Variants in STON1 observed in about 807,000 individuals in gnomAD.
STON1 encodes stonin 1, also known as stonin-1.
A neutral mutation model predicts 60.9 loss-of-function variants in STON1; 79 were observed. The observed-to-expected ratio is 1.30, with a 90% CI of 1.08 to 1.56. The LOEUF (loss-of-function observed/expected upper bound fraction) is 1.56, where lower values mean the gene tolerates loss of function less well. STON1 is among the 40% of genes most tolerant of loss of function. STON1 has a pLI of 0.00. For missense variants in STON1, 1,166 were observed against 858.9 expected (o/e 1.36, Z -4.47); for synonymous variants, 363 against 306.9 (o/e 1.18, Z -1.91).
At chr2:48,556,162 C>T (rs1479670960) in intron 1 of STON1, among the ~76,000 whole-genome samples, 1 of 13,506 alleles carries the variant, frequency 7.4e-5, no homozygotes, top group African/African-American at 2.7e-4. Flanking sequence ...GCTGGCCGGG[C>T]GGGGCGCTGA....
chr2:48,537,363 T>C (rs921412187), intron 1 of STON1, among the ~76,000 whole-genome samples: 1 of 152,248 alleles, frequency 6.6e-6, no homozygotes, highest in Non-Finnish European at 1.5e-5. Flanking sequence ...TAATGTCTTT[T>C]TCATAACTAT....
intron 1 of STON1, among the ~76,000 whole-genome samples, chr2:48,555,296 G>A (rs1431461531): frequency 4.7e-5 from 4 of 85,622 alleles, no homozygotes; most frequent in African/African-American, 8.7e-5. Flanking sequence ...CCTCCCGGAC[G>A]GGGCGGCTGG....
rs753703532 is a variant in STON1 at position 48,581,551 on chromosome 2, T to A, written c.918T>A (p.Ile306=). The part of the protein sequence containing the change: ...PIFLKVLPGG[I]LQMYYEQGLE... ...TTCTGAAAGTTTTGCCTGGAGGAAT[T>A]TTGCAGATGTATTATGAACAGGGAT... The change falls in exon 2 of 4, where the codon ATT becomes ATA. Residue 306 remains isoleucine, a synonymous_variant. Transcript: ENST00000404752. 1.9e-6 allele frequency: 3 copies of A among 1,614,164 alleles called. No individual in the cohort carries two copies. The South Asian group carries it at 3.3e-5, about 18-fold the overall frequency.
At position 48,582,347 on chromosome 2, in the gene STON1, T is replaced by A. The variant is rs1673940824; in HGVS notation, c.1714T>A (p.Phe572Ile). 2 of 1,614,086 alleles carry A rather than the reference T, an allele frequency of 1.2e-6. No homozygotes were observed. Among genetic ancestry groups the A allele is most frequent in the African/African-American group, 2.7e-5 (2 of 74,924 alleles). Residue 572 changes from phenylalanine (F) to isoleucine (I), a missense_variant, in exon 2 of 4, where the codon TTT (phenylalanine) becomes ATT (isoleucine). By Grantham distance (21) the Phe-to-Ile change is conservative (BLOSUM62 0). Coordinates refer to ENST00000404752, the MANE Select transcript of STON1 (RefSeq NM_006873.4). ...LRSCDNIRIH[F>I]PVPSQWIKAL... ...GTCCTGTGACAATATAAGGATACAC[T>A]TTCCTGTCCCATCGCAGTGGATCAA...
chr2:48,568,557 C>G (rs1673046661), intron 1 of STON1, among the ~76,000 whole-genome samples: 1 of 151,902 alleles, frequency 6.6e-6, no homozygotes, highest in Non-Finnish European at 1.5e-5. Flanking sequence ...TGGAAAATTA[C>G]AGAGAATACT....
chr2:48,568,825 T>G (rs886178849), intron 1 of STON1, among the ~76,000 whole-genome samples: 1 of 152,154 alleles, frequency 6.6e-6, no homozygotes, highest in African/African-American at 2.4e-5. Context: ...ATACGTGTGG[T>G]GGGCTTGCTG....
At chr2:48,555,297 G>T (rs1572941286) in intron 1 of STON1, among the ~76,000 whole-genome samples, 1 of 86,358 alleles carries the variant, frequency 1.2e-5, no homozygotes, top group African/African-American at 4.3e-5. Context: ...CTCCCGGACG[G>T]GGCGGCTGGC....
intron 1 of STON1, among the ~76,000 whole-genome samples, chr2:48,564,487 TTCTTCTTCTTCTTCTTCTTCTTC>T (rs1672795758): frequency 4.8e-5 from 1 of 21,004 alleles, no homozygotes; most frequent in Non-Finnish European, 9.7e-5. Flanking sequence ...TTCTTTCTTC[TTCTTCTTCTTCTTCTTCTTCTTC>T]TTCTTCTTCT....
intron 1 of STON1, among the ~76,000 whole-genome samples, chr2:48,553,930 A>G (rs1323570417): frequency 6.6e-6 from 1 of 152,076 alleles, no homozygotes; most frequent in Non-Finnish European, 1.5e-5. Flanking sequence ...TACTGGCTTC[A>G]TGGTTCCCAG....
intron 1 of STON1, among the ~76,000 whole-genome samples, chr2:48,550,458 T>G (rs1440328941): frequency 6.7e-6 from 1 of 150,242 alleles, no homozygotes; most frequent in Non-Finnish European, 1.5e-5. Flanking sequence ...GATTGCACCA[T>G]TGCACTCCAG....
chr2:48,581,942 G>A lies in STON1; in HGVS notation c.1309G>A (p.Ala437Thr). The change falls in exon 2 of 4, where the codon GCT (alanine) becomes ACT (threonine). Residue 437 changes from alanine (A) to threonine (T), a missense_variant. Transcript: ENST00000404752. ...AAAAGAAGGAAAATTTGTTGAAAGTGCTGTGATAACTCAAATTTATTGCCT... is the reference window on the plus strand; with the variant it reads ...AAAAGAAGGAAAATTTGTTGAAAGTACTGTGATAACTCAAATTTATTGCCT... ...VTKEGKFVES[A>T]VITQIYCLCF... 6.2e-7 allele frequency: 1 copy of A among 1,614,172 alleles called. No individual in the cohort carries two copies. The highest frequency in any genetic ancestry group is 1.3e-5 in the African/African-American group (1 of 75,036).
chr2:48,552,461 C>T (rs973891709), intron 1 of STON1, among the ~76,000 whole-genome samples: 3 of 152,070 alleles, frequency 2.0e-5, no homozygotes, highest in Non-Finnish European at 2.9e-5. Context: ...TATTTAATGC[C>T]ACTAAAGTGT....
chr2:48,558,463 G>A (rs997773152), intron 1 of STON1, among the ~76,000 whole-genome samples: 1 of 152,158 alleles, frequency 6.6e-6, no homozygotes, highest in Non-Finnish European at 1.5e-5. Flanking sequence ...AAACCAATAT[G>A]CATTTGATTT....
At chr2:48,555,472 C>T (rs552421481) in intron 1 of STON1, among the ~76,000 whole-genome samples, 23 of 98,022 alleles carry the variant, frequency 2.3e-4, no homozygotes, top group African/African-American at 1.2e-4. Flanking sequence ...ACCTCCCTCC[C>T]GGACGGGGCG....
At chr2:48,564,017 G>A (rs1672722427) in intron 1 of STON1, among the ~76,000 whole-genome samples, 1 of 152,030 alleles carries the variant, frequency 6.6e-6, no homozygotes, top group Non-Finnish European at 1.5e-5. Flanking sequence ...GGTTCTTAAG[G>A]AAAACTACCT....
intron 1 of STON1, among the ~76,000 whole-genome samples, chr2:48,557,016 G>T (rs1439595159): frequency 2.4e-4 from 21 of 88,192 alleles, no homozygotes; most frequent in South Asian, 5.3e-4. Flanking sequence ...CTGCCCGGGC[G>T]GGGGGGCTGA....
chr2:48,564,599 C>CCTCCTTCTCCTT, intron 1 of STON1, among the ~76,000 whole-genome samples: 1 of 43,882 alleles, frequency 2.3e-5, no homozygotes, highest in African/African-American at 7.9e-5. Context: ...TCCTCCTCCT[C>CCTCCTTCTCCTT]CTCCTTCTCC....
At chr2:48,571,617 A>G (rs1239352017) in intron 1 of STON1, among the ~76,000 whole-genome samples, 5 of 152,226 alleles carry the variant, frequency 3.3e-5, no homozygotes, top group African/African-American at 1.2e-4. Context: ...AAATGCATCT[A>G]AACTTCTCTT....
chr2:48,567,581 T>G (rs1317061416), intron 1 of STON1, among the ~76,000 whole-genome samples: 7 of 152,092 alleles, frequency 4.6e-5, no homozygotes, highest in Non-Finnish European at 1.5e-5. Flanking sequence ...CCGGCTAATT[T>G]TTGTATTTTT....
Sources: gnomAD v4.1 joint callset for allele counts (sites outside exome capture counted in the v4.1 genomes callset) on GRCh38, gnomAD v4.1.1 for gene constraint, MANE v1.5 for transcripts, NCBI Gene and HGNC (gene_info 2026-07-23, HGNC 2026-07-21) for gene names.